CFAP299: variants seen among roughly 807,000 people sequenced by gnomAD.
CFAP299 encodes cilia and flagella associated protein 299.
Under a neutral mutation model 27.0 loss-of-function variants are expected in CFAP299, and 21 were observed. The ratio of observed to expected loss-of-function variants is 0.78; its 90% CI spans 0.55 to 1.12. The LOEUF (loss-of-function observed/expected upper bound fraction) is 1.12, where lower values mean the gene tolerates loss of function less well. Ranked by LOEUF, CFAP299 falls within the 50% of genes most tolerant of loss-of-function variation. CFAP299 has a pLI of 0.00. For synonymous variants in CFAP299, 104 were observed against 98.1 expected (o/e 1.06, Z -0.36); for missense variants, 310 against 276.6 (o/e 1.12, Z -0.86).
chr4:80,371,405 C>T (rs1165162873), intron 2 of CFAP299, among the ~76,000 whole-genome samples: 1 of 152,188 alleles, frequency 6.6e-6, no homozygotes, highest in Non-Finnish European at 1.5e-5. Flanking sequence ...ATTTCTGCAG[C>T]CTGCTTGGAT....
At position 80,366,187 on chromosome 4, in the gene CFAP299, T is replaced by A. The variant is rs372851742; in HGVS notation, c.242+3303T>A. Among the ~76,000 whole-genome samples the A allele has an allele frequency of 3.3e-5, 5 of 152,330 alleles. No homozygotes were observed. The East Asian group carries it at 9.6e-4, about 29-fold the overall frequency. ...ATCACTTTGAAAATATGCATGAACA[T>A]CTGACTGCCAGCCAGCTGGCAACTT... On this transcript the variant is annotated intron_variant, in intron 2 of 5. Coordinates refer to ENST00000358105, the MANE Select transcript of CFAP299 (RefSeq NM_152770.3).
chr4:80,819,078 T>C (rs1274360459), intron 3 of CFAP299, among the ~76,000 whole-genome samples: 1 of 152,022 alleles, frequency 6.6e-6, no homozygotes, highest in East Asian at 1.9e-4. Flanking sequence ...AATTAGGAAG[T>C]CATTGTATAT....
chr4:80,640,657 G>A (rs1739679040), intron 3 of CFAP299, among the ~76,000 whole-genome samples: 2 of 152,144 alleles, frequency 1.3e-5, no homozygotes, highest in South Asian at 4.2e-4. Context: ...CTCCAGAAGT[G>A]ACACTAGGTA....
chr4:80,736,237 C>G (rs1181658516), intron 3 of CFAP299, among the ~76,000 whole-genome samples: 1 of 152,060 alleles, frequency 6.6e-6, no homozygotes, highest in East Asian at 1.9e-4. Flanking sequence ...AGTCTTTAAT[C>G]CATCTTGAAT....
At chr4:80,505,535 T>C (rs1181792630) in intron 2 of CFAP299, among the ~76,000 whole-genome samples, 1 of 130,552 alleles carries the variant, frequency 7.7e-6, no homozygotes, top group African/African-American at 3.3e-5. Context: ...AATGTAAACA[T>C]TGTTATGAAT....
At chr4:80,800,177 T>C (rs1335605298) in intron 3 of CFAP299, among the ~76,000 whole-genome samples, 1 of 69,312 alleles carries the variant, frequency 1.4e-5, no homozygotes, top group Admixed American at 2.8e-4. Context: ...ATATAATATA[T>C]AATAATATGT....
At chr4:80,557,071 A>T (rs1267918190) in intron 2 of CFAP299, among the ~76,000 whole-genome samples, 1 of 152,080 alleles carries the variant, frequency 6.6e-6, no homozygotes, top group Non-Finnish European at 1.5e-5. Flanking sequence ...AACCTTTTTA[A>T]ATTTTCTATT....
chr4:80,845,651 A>G (rs536149956), intron 3 of CFAP299, among the ~76,000 whole-genome samples: 2 of 152,264 alleles, frequency 1.3e-5, no homozygotes, highest in South Asian at 4.1e-4. Context: ...TTCAAGTAAA[A>G]CAATTTCTTC....
intron 2 of CFAP299, among the ~76,000 whole-genome samples, chr4:80,582,475 T>C (rs1736221123): frequency 6.6e-6 from 1 of 151,906 alleles, no homozygotes. Flanking sequence ...AAGAAAATAG[T>C]ATTATTTCAC....
chr4:80,436,343 G>A (rs1021080569), intron 2 of CFAP299, among the ~76,000 whole-genome samples: 41 of 147,294 alleles, frequency 2.8e-4, no homozygotes, highest in Non-Finnish European at 3.7e-4. Flanking sequence ...CTGTTGCCCA[G>A]GCTGGAGTGC....
At chr4:80,430,102 G>T (rs919117121) in intron 2 of CFAP299, among the ~76,000 whole-genome samples, 17 of 151,144 alleles carry the variant, frequency 1.1e-4, no homozygotes, top group Non-Finnish European at 1.8e-4. Context: ...TTTTATTTTG[G>T]GTTTTCATAT....
At chr4:80,337,797 C>T (rs1415711030) in intron 1 of CFAP299, among the ~76,000 whole-genome samples, 1 of 151,970 alleles carries the variant, frequency 6.6e-6, no homozygotes, top group Non-Finnish European at 1.5e-5. Context: ...ATTGATTAAG[C>T]TTATTTTTGT....
Position 80,708,518 on chromosome 4 carries a change from A to G in CFAP299, c.333+125335A>G, listed in dbSNP as rs542023718. ...TCTTCGTATACAAATTCAATTGGAA[A>G]AGGCTCTTGGTTGGCATTTTTCTTA... On this transcript the variant is annotated intron_variant, in intron 3 of 5. Transcript: ENST00000358105. Among the ~76,000 whole-genome samples the G allele has an allele frequency of 1.8e-3, 279 of 152,236 alleles. 1 individual carries two copies. Among genetic ancestry groups the G allele is most frequent in the Non-Finnish European group, 2.0e-3 (139 of 67,994 alleles).
At chr4:80,881,852 T>C (rs1001487013) in intron 4 of CFAP299, among the ~76,000 whole-genome samples, 17 of 152,126 alleles carry the variant, frequency 1.1e-4, no homozygotes, top group Non-Finnish European at 1.5e-5. Flanking sequence ...CAGCTGAACA[T>C]AATCTGGAAA....
At chr4:80,961,640 A>C (rs1297216545) in intron 5 of CFAP299, among the ~76,000 whole-genome samples, 1 of 151,880 alleles carries the variant, frequency 6.6e-6, no homozygotes, top group Admixed American at 6.6e-5. Flanking sequence ...TCTAAATTAT[A>C]AGCATCTAGA....
intron 4 of CFAP299, chr4:80,873,131 T>C (rs1183383391): frequency 2.3e-6 from 1 of 437,234 alleles, no homozygotes; most frequent in Admixed American, 6.4e-5. Context: ...TAATATAGCA[T>C]ATGGTAGTTA....
chr4:80,428,732 G>C (rs1727653308), intron 2 of CFAP299, among the ~76,000 whole-genome samples: 1 of 150,068 alleles, frequency 6.7e-6, no homozygotes, highest in African/African-American at 2.4e-5. Flanking sequence ...TAGAGATGGG[G>C]GTTTTACCAT....
intron 2 of CFAP299, among the ~76,000 whole-genome samples, chr4:80,556,463 A>G (rs550485835): frequency 2.0e-5 from 3 of 152,156 alleles, no homozygotes; most frequent in Non-Finnish European, 4.4e-5. Flanking sequence ...GAACTTTAGG[A>G]ATCTCATACA....
chr4:80,621,230 T>A (rs1363059943), intron 3 of CFAP299, among the ~76,000 whole-genome samples: 3 of 152,076 alleles, frequency 2.0e-5, no homozygotes, highest in East Asian at 3.9e-4. Context: ...TGAAGATAAC[T>A]TCTTTCCTTT....
Sources: gnomAD v4.1 joint callset for allele counts (sites outside exome capture counted in the v4.1 genomes callset) on GRCh38, gnomAD v4.1.1 for gene constraint, MANE v1.5 for transcripts, NCBI Gene and HGNC (gene_info 2026-07-23, HGNC 2026-07-21) for gene names.